FHIT: variants seen among roughly 807,000 people sequenced by gnomAD.
The protein encoded by FHIT is bis(5'-adenosyl)-triphosphatase.
FHIT carries 19 observed loss-of-function variants against 17.9 expected under a neutral mutation model. The observed-to-expected ratio is 1.06, with a 90% CI of 0.74 to 1.56. The LOEUF (loss-of-function observed/expected upper bound fraction) is 1.56. Ranked by LOEUF, FHIT falls within the 40% of genes most tolerant of loss-of-function variation. The pLI is 0.00. For missense variants in FHIT, 248 were observed against 189.2 expected, an observed-to-expected ratio of 1.31 and a Z score of -1.82; for synonymous variants, 81 against 69.7, an observed-to-expected ratio of 1.16 and a Z score of -0.81.
At chr3:60,256,716 G>C (rs1706013202) in intron 5 of FHIT, among the ~76,000 whole-genome samples, 1 of 152,114 alleles carries the variant, frequency 6.6e-6, no homozygotes, top group Admixed American at 6.5e-5. Context: ...CCACACCTCT[G>C]TGCCATCCCA....
chr3:60,907,072 G>A (rs913773609), intron 3 of FHIT, among the ~76,000 whole-genome samples: 2 of 151,910 alleles, frequency 1.3e-5, no homozygotes, highest in African/African-American at 4.8e-5. Flanking sequence ...AGGTTCTTGG[G>A]ACACAAAATA....
At chr3:61,168,637 C>A (rs533035990) in intron 2 of FHIT, among the ~76,000 whole-genome samples, 1 of 152,344 alleles carries the variant, frequency 6.6e-6, no homozygotes, top group South Asian at 2.1e-4. Context: ...CCTGCATTCA[C>A]TGGCTCAACT....
At chr3:61,103,381 T>A (rs1032074905) in intron 2 of FHIT, among the ~76,000 whole-genome samples, 1 of 152,194 alleles carries the variant, frequency 6.6e-6, no homozygotes, top group Non-Finnish European at 1.5e-5. Flanking sequence ...AGTTTCTTAA[T>A]CCTGAGTTCT....
Position 60,536,866 on chromosome 3 carries a change from G to C in FHIT, c.97C>G (p.Pro33Ala), listed in dbSNP as rs138978230. The part of the protein sequence containing the change: ...FALVNRKPVV[P>A]GHVLVCPLRP... ...AAAAAAAAAGAAAGGATACGTCCTG[G>C]TACCACAGGTTTCCTATTCACAAGA... Residue 33 changes from proline to alanine, a missense_variant, in exon 5 of 10, where the codon CCA becomes GCA. By Grantham distance (27) the Pro-to-Ala change is conservative. Transcript: ENST00000492590. 1.9e-6 allele frequency: 3 copies of C among 1,604,002 alleles called. No homozygotes were observed. Among genetic ancestry groups the C allele is most frequent in the Non-Finnish European group, 2.6e-6 (3 of 1,176,432 alleles).
At chr3:60,873,106 A>G (rs1704482857) in intron 3 of FHIT, among the ~76,000 whole-genome samples, 1 of 150,888 alleles carries the variant, frequency 6.6e-6, no homozygotes. Flanking sequence ...TTGTTTTTGG[A>G]GGAGGGGAAC....
chr3:60,360,481 C>T (rs369422980), intron 5 of FHIT, among the ~76,000 whole-genome samples: 7 of 152,102 alleles, frequency 4.6e-5, no homozygotes, highest in African/African-American at 7.2e-5. Context: ...TGGAAAAATG[C>T]AAGTCTTTGA....
At chr3:60,960,176 C>T (rs1481387722) in intron 3 of FHIT, among the ~76,000 whole-genome samples, 1 of 152,092 alleles carries the variant, frequency 6.6e-6, no homozygotes. Flanking sequence ...TTCCCTTCTT[C>T]CCACCCTATC....
chr3:60,491,682 A>G (rs1480646546), intron 5 of FHIT, among the ~76,000 whole-genome samples: 3 of 152,176 alleles, frequency 2.0e-5, no homozygotes, highest in Non-Finnish European at 4.4e-5. Context: ...GTTCTGTATG[A>G]TATTTTAATC....
chr3:60,839,118 A>G (rs1045627215), intron 3 of FHIT, among the ~76,000 whole-genome samples: 1 of 152,184 alleles, frequency 6.6e-6, no homozygotes, highest in Non-Finnish European at 1.5e-5. Flanking sequence ...CTCATCCTCT[A>G]CTAAGGAGTA....
At chr3:60,851,430 T>A (rs1703150791) in intron 3 of FHIT, among the ~76,000 whole-genome samples, 1 of 152,136 alleles carries the variant, frequency 6.6e-6, no homozygotes, top group Non-Finnish European at 1.5e-5. Flanking sequence ...ATGCTCACAC[T>A]AAGAGGTTCA....
intron 5 of FHIT, among the ~76,000 whole-genome samples, chr3:60,247,161 G>A (rs998011079): frequency 2.6e-5 from 4 of 151,944 alleles, no homozygotes; most frequent in East Asian, 1.9e-4. Context: ...GGGAGTATTC[G>A]GGATGACTCT....
intron 3 of FHIT, among the ~76,000 whole-genome samples, chr3:60,913,298 T>C (rs377589885): frequency 6.6e-6 from 1 of 152,202 alleles, no homozygotes; most frequent in African/African-American, 2.4e-5. Flanking sequence ...AAAAGGCAAG[T>C]ATAATCTGCC....
At chr3:59,983,387 A>G (rs903849325) in intron 7 of FHIT, among the ~76,000 whole-genome samples, 15 of 152,298 alleles carry the variant, frequency 9.8e-5, no homozygotes, top group African/African-American at 3.4e-4. Flanking sequence ...ACAATCAACT[A>G]TGGCCTGAAA....
At position 60,244,973 on chromosome 3, in the gene FHIT, T is replaced by C. The variant is rs569430325; in HGVS notation, c.104-230821A>G. Reference sequence around the variant, plus strand: ...AATTAAAACATTCAGGTAGTGTGCATTGACTAAAGTAATATGGACTATTAA... The same window carrying C: ...AATTAAAACATTCAGGTAGTGTGCACTGACTAAAGTAATATGGACTATTAA... On this transcript the variant is annotated intron_variant, in intron 5 of 9. Coordinates refer to ENST00000492590, the MANE Select transcript of FHIT (RefSeq NM_002012.4). Among the ~76,000 whole-genome samples the C allele has an allele frequency of 7.9e-5, 12 of 152,180 alleles. No homozygotes were observed. The East Asian group carries it at 1.4e-3, about 17-fold the overall frequency.
chr3:61,143,608 G>A (rs2037145928), intron 2 of FHIT, among the ~76,000 whole-genome samples: 2 of 152,220 alleles, frequency 1.3e-5, no homozygotes, highest in African/African-American at 4.8e-5. Context: ...GCTCACGCCT[G>A]TAATCCCAAC....
chr3:60,056,986 A>C (rs1193700252), intron 5 of FHIT, among the ~76,000 whole-genome samples: 1 of 152,008 alleles, frequency 6.6e-6, no homozygotes, highest in Non-Finnish European at 1.5e-5. Flanking sequence ...AAGTTCTCAA[A>C]TCCAAGCTCT....
Position 60,825,991 on chromosome 3 carries a change from G to GA in FHIT, c.-110-3981dup, listed in dbSNP as rs541979322. On this transcript the variant is annotated intron_variant, in intron 3 of 9. Coordinates refer to ENST00000492590, the MANE Select transcript of FHIT (RefSeq NM_002012.4). ...TTTTATCAATAACTTCTTTAAAAAG[G>GA]AAAAAAACAACACTGGAAGCAAATC... is the stretch of plus-strand genomic sequence containing the variant. Among the ~76,000 whole-genome samples the GA allele has an allele frequency of 2.1e-3, 315 of 152,020 alleles. 1 individual carries two copies. The highest frequency in any genetic ancestry group is 3.3e-3 in the African/African-American group (135 of 41,496).
intron 5 of FHIT, among the ~76,000 whole-genome samples, chr3:60,061,114 C>A (rs961032252): frequency 1.3e-5 from 2 of 152,176 alleles, no homozygotes; most frequent in Non-Finnish European, 2.9e-5. Flanking sequence ...TTCAAGAGTG[C>A]AAATAATAGG....
chr3:60,278,050 C>A (rs1009836857), intron 5 of FHIT, among the ~76,000 whole-genome samples: 7 of 152,068 alleles, frequency 4.6e-5, no homozygotes, highest in Non-Finnish European at 2.9e-5. Context: ...ATCAGATTAC[C>A]TAAAGCAAAA....
Sources: allele counts gnomAD v4.1 joint callset (sites outside exome capture counted in the v4.1 genomes callset), GRCh38; gene constraint gnomAD v4.1.1; transcripts MANE v1.5; gene names NCBI Gene and HGNC (gene_info 2026-07-23, HGNC 2026-07-21).